Variants in DACH1 observed in about 807,000 individuals in gnomAD.
The protein encoded by DACH1 is dachshund homolog 1.
DACH1 carries 12 observed loss-of-function variants against 54.2 expected under a neutral mutation model. The observed-to-expected ratio is 0.22, with a 90% CI of 0.14 to 0.36. DACH1 has a LOEUF of 0.36. Ranked by LOEUF, DACH1 falls within the 10% of genes least tolerant of loss-of-function variation. The pLI, the probability that DACH1 is intolerant of heterozygous loss-of-function variation, is 1.00. For missense variants in DACH1, 805 were observed against 929.8 expected (o/e 0.87, Z 1.75); for synonymous variants, 386 against 366.2 (o/e 1.05, Z -0.62).
intron 4 of DACH1, among the ~76,000 whole-genome samples, chr13:71,562,914 G>C (rs531705822): frequency 6.6e-6 from 1 of 151,968 alleles, no homozygotes; most frequent in Admixed American, 6.6e-5. Flanking sequence ...GAGTATTTGC[G>C]CACTTATCAT....
Position 71,573,517 on chromosome 13 carries a change from G to T in DACH1, c.1127-505C>A, listed in dbSNP as rs1018423714. 9 of 686,162 alleles carry T rather than the reference G, an allele frequency of 1.3e-5. No individual in the cohort carries two copies. The African/African-American group carries it at 1.6e-4, about 12-fold the overall frequency. 42.5% of individuals were successfully genotyped at this position (686,162 alleles called of 1,614,324 possible). A position where few individuals can be genotyped will look rare whatever the true frequency, so the allele number is the denominator to read the frequency against. On this transcript the variant is annotated intron_variant, in intron 3 of 10. Coordinates refer to ENST00000613252, the MANE Select transcript of DACH1 (RefSeq NM_080759.6). Reference sequence around the variant, plus strand: ...CGGGGGTGGGTTATAGAGGCCTGAGGTCCCTGGGATGGGGAAGAGGGCAGT... The same window carrying T: ...CGGGGGTGGGTTATAGAGGCCTGAGTTCCCTGGGATGGGGAAGAGGGCAGT...
At chr13:71,830,991 A>G (rs1888564530) in intron 1 of DACH1, among the ~76,000 whole-genome samples, 1 of 151,920 alleles carries the variant, frequency 6.6e-6, no homozygotes, top group African/African-American at 2.4e-5. Flanking sequence ...ATGTTAGGGA[A>G]TAAAATCTAG....
At chr13:71,815,523 G>A (rs991471774) in intron 1 of DACH1, among the ~76,000 whole-genome samples, 1 of 151,980 alleles carries the variant, frequency 6.6e-6, no homozygotes, top group Non-Finnish European at 1.5e-5. Context: ...AAGACAACTG[G>A]GCATTTCAGA....
intron 2 of DACH1, among the ~76,000 whole-genome samples, chr13:71,639,476 T>G (rs2138592440): frequency 6.6e-6 from 1 of 152,242 alleles, no homozygotes; most frequent in African/African-American, 2.4e-5. Context: ...GTCTTTCAAC[T>G]GATTGAATTA....
chr13:71,698,035 A>T (rs1442856068), intron 1 of DACH1, among the ~76,000 whole-genome samples: 1 of 152,100 alleles, frequency 6.6e-6, no homozygotes, highest in Non-Finnish European at 1.5e-5. Flanking sequence ...TTTTTAAGAC[A>T]ATTAATTCTG....
At chr13:71,775,717 C>A (rs1342912495) in intron 1 of DACH1, among the ~76,000 whole-genome samples, 1 of 152,028 alleles carries the variant, frequency 6.6e-6, no homozygotes, top group African/African-American at 2.4e-5. Flanking sequence ...AAAAATAACA[C>A]AATGATAGGC....
chr13:71,530,363 C>A (rs1232892879), intron 6 of DACH1, among the ~76,000 whole-genome samples: 2 of 152,086 alleles, frequency 1.3e-5, no homozygotes. Context: ...TACTAACTCA[C>A]ATGGTAATGA....
chr13:71,743,645 C>G (rs1884495639), intron 1 of DACH1, among the ~76,000 whole-genome samples: 1 of 152,126 alleles, frequency 6.6e-6, no homozygotes, highest in African/African-American at 2.4e-5. Context: ...AGATGTGGGA[C>G]TTAATTCCTT....
chr13:71,784,745 C>T (rs1416317118), intron 1 of DACH1, among the ~76,000 whole-genome samples: 2 of 152,040 alleles, frequency 1.3e-5, no homozygotes, highest in Non-Finnish European at 2.9e-5. Context: ...AGATAAATCC[C>T]CTGCAGATTT....
At chr13:71,630,755 C>G in intron 2 of DACH1, 38 bp from the exon 3 acceptor site, 1 of 1,516,884 alleles carries the variant, frequency 6.6e-7, no homozygotes, top group Non-Finnish European at 8.7e-7. Flanking sequence ...AATTCAAATT[C>G]TGATTTTTCA....
chr13:71,781,155 T>G (rs1487725643), intron 1 of DACH1, among the ~76,000 whole-genome samples: 1 of 151,818 alleles, frequency 6.6e-6, no homozygotes, highest in Non-Finnish European at 1.5e-5. Context: ...AAACTTTCAC[T>G]GTGCCTTCCC....
chr13:71,820,984 A>G (rs1229980642), intron 1 of DACH1, among the ~76,000 whole-genome samples: 1 of 152,242 alleles, frequency 6.6e-6, no homozygotes, highest in African/African-American at 2.4e-5. Context: ...AGAGCTCTAG[A>G]CAAAAACAGA....
chr13:71,648,191 T>C (rs1878428340), intron 2 of DACH1, among the ~76,000 whole-genome samples: 1 of 152,164 alleles, frequency 6.6e-6, no homozygotes, highest in African/African-American at 2.4e-5. Flanking sequence ...GACAATAAAA[T>C]GTGGACACCA....
chr13:71,447,659 C>T (rs948427687), intron 10 of DACH1, among the ~76,000 whole-genome samples: 9 of 151,604 alleles, frequency 5.9e-5, no homozygotes, highest in East Asian at 3.9e-4. Flanking sequence ...GGTGAAACCC[C>T]GACTCTACTA....
intron 1 of DACH1, among the ~76,000 whole-genome samples, chr13:71,800,449 T>C (rs1340599983): frequency 1.3e-5 from 2 of 152,092 alleles, no homozygotes; most frequent in African/African-American, 2.4e-5. Context: ...TTATAAAACA[T>C]GAAAAGCCAA....
intron 1 of DACH1, among the ~76,000 whole-genome samples, chr13:71,805,924 C>T (rs303930): frequency 0.99 from 151,078 of 152,114 alleles, 75,030 homozygotes; most frequent in Middle Eastern, 1. Flanking sequence ...TCTCCTGCCT[C>T]AGCCTCCCGA....
chr13:71,538,006 G>A (rs114426113), intron 6 of DACH1, among the ~76,000 whole-genome samples: 350 of 152,092 alleles, frequency 2.3e-3, no homozygotes, highest in African/African-American at 8.1e-3. Context: ...CATCAGATAT[G>A]CTAGCTTCTG....
intron 1 of DACH1, among the ~76,000 whole-genome samples, chr13:71,689,521 T>A (rs1881367231): frequency 6.6e-6 from 1 of 152,112 alleles, no homozygotes; most frequent in Non-Finnish European, 1.5e-5. Context: ...TAACAAAAAA[T>A]AAACAGAAGT....
chr13:71,747,723 T>C (rs1884659160), intron 1 of DACH1, among the ~76,000 whole-genome samples: 1 of 152,218 alleles, frequency 6.6e-6, no homozygotes, highest in African/African-American at 2.4e-5. Flanking sequence ...GGGAGCTACA[T>C]TTACCTTGAG....
Sources: allele counts gnomAD v4.1 joint callset (sites outside exome capture counted in the v4.1 genomes callset), GRCh38; gene constraint gnomAD v4.1.1; transcripts MANE v1.5; gene names NCBI Gene and HGNC (gene_info 2026-07-23, HGNC 2026-07-21).